Variants in PRKD3 observed in about 807,000 individuals in gnomAD.
The protein encoded by PRKD3 is serine/threonine-protein kinase D3.
In PRKD3, 47 loss-of-function variants were observed where a neutral mutation model predicts 99.2. That is an observed-to-expected ratio of 0.47 (90% CI 0.38 to 0.60). The LOEUF (loss-of-function observed/expected upper bound fraction) is 0.60, where lower values mean the gene tolerates loss of function less well. PRKD3 is among the 20% of genes least tolerant of loss of function. PRKD3 has a pLI of 0.00. For missense variants in PRKD3, 1,019 were observed against 1,088.4 expected (o/e 0.94, Z 0.90); for synonymous variants, 392 against 355.4 (o/e 1.10, Z -1.16).
Position 37,252,209 on chromosome 2 carries a change from A to C in PRKD3, c.*968T>G, listed in dbSNP as rs1667556755. 6.6e-6 allele frequency: 1 copy of C among 152,222 alleles called. No individual in the cohort carries two copies. The highest frequency in any genetic ancestry group is 6.5e-5 in the Admixed American group (1 of 15,274). 9.4% of individuals were successfully genotyped at this position (152,222 alleles called of 1,614,324 possible). On this transcript the variant is annotated 3_prime_UTR_variant, in exon 19 of 19. Transcript: ENST00000234179. ...AGGAGAAAAAAGGATACTGTTTGCT[A>C]TACAGTAACTGTAGCATTAACTGAC...
intron 8 of PRKD3, chr2:37,279,149 C>T (rs1365890373): frequency 6.6e-6 from 1 of 152,024 alleles, no homozygotes; most frequent in Non-Finnish European, 1.5e-5. Context: ...AAAAACAAAA[C>T]CTGCCAAAAT....
intron 1 of PRKD3, chr2:37,324,163 G>C: frequency 4.1e-6 from 4 of 985,054 alleles, no homozygotes; most frequent in Non-Finnish European, 4.8e-6. Context: ...ATACTGGGGC[G>C]AGGGGCTTAC....
intron 2 of PRKD3, among the ~76,000 whole-genome samples, chr2:37,298,573 A>G (rs1234558336): frequency 6.6e-6 from 1 of 152,212 alleles, no homozygotes; most frequent in Non-Finnish European, 1.5e-5. Flanking sequence ...ATATATACAA[A>G]GAACTCAGTG....
At chr2:37,320,715 AG>A (rs1169133684) in intron 1 of PRKD3, among the ~76,000 whole-genome samples, 2 of 152,176 alleles carry the variant, frequency 1.3e-5, no homozygotes, top group African/African-American at 4.8e-5. Flanking sequence ...TACAGGCGTG[AG>A]CCACTGCACC....
At chr2:37,303,711 G>T (rs1671040038) in intron 2 of PRKD3, among the ~76,000 whole-genome samples, 1 of 152,114 alleles carries the variant, frequency 6.6e-6, no homozygotes, top group South Asian at 2.1e-4. Flanking sequence ...ACATCACTGA[G>T]ATTACAGGTA....
At chr2:37,259,716 GAAAATCACAAGT>G in intron 15 of PRKD3, 35 bp from the exon 16 acceptor site, 1 of 1,468,414 alleles carries the variant, frequency 6.8e-7, no homozygotes, top group Non-Finnish European at 9.5e-7. Context: ...TCAATGTCTG[GAAAATCACAAGT>G]AAACCTCATG....
intron 14 of PRKD3, among the ~76,000 whole-genome samples, chr2:37,261,711 C>G (rs920077349): frequency 3.9e-5 from 6 of 152,028 alleles, no homozygotes; most frequent in African/African-American, 7.2e-5. Context: ...ACCTGGGAGG[C>G]AGAGGTTGCG....
chr2:37,282,196 T>C (rs963989291), intron 7 of PRKD3: 3 of 190,832 alleles, frequency 1.6e-5, no homozygotes, highest in African/African-American at 7.0e-5. Context: ...TTTAGAACAG[T>C]GCCTGGTATA....
intron 2 of PRKD3, among the ~76,000 whole-genome samples, chr2:37,304,380 G>T (rs6742641): frequency 0.7 from 107,123 of 151,954 alleles, 38,423 homozygotes; most frequent in East Asian, 0.98. Flanking sequence ...ATTAGAAAAT[G>T]ACTCAACATG....
chr2:37,299,100 A>C (rs1208491982), intron 2 of PRKD3, among the ~76,000 whole-genome samples: 1 of 152,088 alleles, frequency 6.6e-6, no homozygotes, highest in East Asian at 1.9e-4. Flanking sequence ...TGTTCCTTCT[A>C]TACCTAGTTT....
rs1043746618 is a variant in PRKD3, at chr2:37,274,840, T to G, written c.1375-143A>C. The G allele has an allele frequency of 3.6e-6, 3 of 823,244 alleles. No individual in the cohort carries two copies. In the Admixed American group the frequency reaches 7.9e-5, roughly 22 times the overall value. 51.0% of individuals were successfully genotyped at this position (823,244 alleles called of 1,614,324 possible). On this transcript the variant is annotated intron_variant, in intron 10 of 18. Coordinates refer to ENST00000234179, the MANE Select transcript of PRKD3 (RefSeq NM_005813.6). ...GCAACATTTAATACACAGTTGAGTC[T>G]TATGACATGGCCTGTCTTGAATGAG...
At chr2:37,262,673 A>G (rs1558530245) in intron 14 of PRKD3, among the ~76,000 whole-genome samples, 2 of 138,172 alleles carry the variant, frequency 1.4e-5, no homozygotes, top group Non-Finnish European at 3.0e-5. Flanking sequence ...GGCTGGCTCT[A>G]TGCTTTTTCC....
chr2:37,306,062 G>A (rs1671151673), intron 2 of PRKD3, among the ~76,000 whole-genome samples: 1 of 140,022 alleles, frequency 7.1e-6, no homozygotes, highest in Non-Finnish European at 1.5e-5. Flanking sequence ...TCTCTTCCTT[G>A]GATTCTTTTT....
intron 1 of PRKD3, among the ~76,000 whole-genome samples, chr2:37,322,920 T>C (rs867997747): frequency 7.2e-5 from 11 of 152,294 alleles, no homozygotes; most frequent in Middle Eastern, 6.8e-3. Context: ...ACAAGCAGTT[T>C]CTTTTAAAAA....
intron 10 of PRKD3, among the ~76,000 whole-genome samples, chr2:37,275,229 C>T (rs1314968989): frequency 6.6e-6 from 1 of 151,748 alleles, no homozygotes; most frequent in African/African-American, 2.4e-5. Flanking sequence ...AACAAAAAAA[C>T]ACCTGCTCAA....
intron 14 of PRKD3, among the ~76,000 whole-genome samples, chr2:37,262,835 C>T (rs1473369362): frequency 6.6e-6 from 1 of 152,080 alleles, no homozygotes; most frequent in East Asian, 1.9e-4. Flanking sequence ...GAGAATTACC[C>T]ATTTTCTCCA....
In PRKD3 at chr2:37,252,732, A is replaced by C. The variant is rs1306558188; in HGVS notation, c.*445T>G. On this transcript the variant is annotated 3_prime_UTR_variant, in exon 19 of 19. Transcript: ENST00000234179. ...ACCTCACAGTTACCTCTTAAATACA[A>C]GCCTGTCGAGTAATCAATCTTGTAA... 2 of 151,912 alleles carry C rather than the reference A, an allele frequency of 1.3e-5. No individual in the cohort carries two copies. The highest frequency in any genetic ancestry group is 4.8e-5 in the African/African-American group (2 of 41,392). The allele number at this position is 151,912 out of a possible 1,614,324, so 9.4% of individuals were successfully genotyped here. A position where few individuals can be genotyped will look rare whatever the true frequency, so the allele number is the denominator to read the frequency against.
In PRKD3 at chr2:37,251,357, C is replaced by A. The variant is rs1367789148; in HGVS notation, c.*1820G>T. The A allele has an allele frequency of 6.6e-6, 1 of 152,520 alleles. No individual in the cohort carries two copies. Among genetic ancestry groups the A allele is most frequent in the Non-Finnish European group, 1.5e-5 (1 of 68,012 alleles). The allele number at this position is 152,520 out of a possible 1,614,324, so 9.4% of individuals were successfully genotyped here. A position where few individuals can be genotyped will look rare whatever the true frequency, so the allele number is the denominator to read the frequency against. ...GTAAGATTAGAGCCATACTACTGGT[C>A]TCAAATACTACTAACTGTTTGAAAT... On this transcript the variant is annotated 3_prime_UTR_variant, in exon 19 of 19. Transcript: ENST00000234179.
intron 3 of PRKD3, among the ~76,000 whole-genome samples, chr2:37,291,889 G>A (rs569400181): frequency 6.6e-6 from 1 of 152,230 alleles, no homozygotes; most frequent in African/African-American, 2.4e-5. Flanking sequence ...AAAAAGTACT[G>A]CAGACCTACT....
Sources: gnomAD v4.1 joint callset for allele counts (sites outside exome capture counted in the v4.1 genomes callset) on GRCh38, gnomAD v4.1.1 for gene constraint, MANE v1.5 for transcripts, NCBI Gene and HGNC (gene_info 2026-07-23, HGNC 2026-07-21) for gene names.